The following ADAMTS17 variants were observed in gnomAD, a reference collection of about 807,000 sequenced individuals.
ADAMTS17 encodes the protein ADAM metallopeptidase with thrombospondin type 1 motif 17, also known as A disintegrin and metalloproteinase with thrombospondin motifs 17.
In ADAMTS17, 113 loss-of-function variants were observed where a neutral mutation model predicts 141.5. That is an observed-to-expected ratio of 0.80 (90% CI 0.69 to 0.93). The LOEUF (loss-of-function observed/expected upper bound fraction) is 0.93. Ranked by LOEUF, ADAMTS17 falls within the 40% of genes least tolerant of loss-of-function variation. The pLI, the probability that ADAMTS17 is intolerant of heterozygous loss-of-function variation, is 0.00. For missense variants in ADAMTS17, 1,659 were observed against 1,517.9 expected (o/e 1.09, Z -1.54); for synonymous variants, 768 against 630.6 (o/e 1.22, Z -3.27).
intron 10 of ADAMTS17, among the ~76,000 whole-genome samples, chr15:100,139,659 G>C (rs528860510): frequency 6.6e-6 from 1 of 152,344 alleles, no homozygotes; most frequent in South Asian, 2.1e-4. Context: ...CCAGTAACGA[G>C]ACATAATGAC....
At chr15:100,222,932 G>T (rs1468064824) in intron 7 of ADAMTS17, among the ~76,000 whole-genome samples, 1 of 152,184 alleles carries the variant, frequency 6.6e-6, no homozygotes, top group Non-Finnish European at 1.5e-5. Flanking sequence ...CACTTTGCTG[G>T]CATTCAAATC....
intron 15 of ADAMTS17, among the ~76,000 whole-genome samples, chr15:100,077,461 C>CAAAAAAAAAAAAAAAAAAA (rs61464362): frequency 1.4e-5 from 2 of 139,334 alleles, no homozygotes; most frequent in African/African-American, 5.5e-5. Flanking sequence ...GACTCCCTCT[C>CAAAAAAAAAAAAAAAAAAA]AAAAAAAAAA....
chr15:100,314,062 C>T, intron 3 of ADAMTS17, among the ~76,000 whole-genome samples: 1 of 151,068 alleles, frequency 6.6e-6, no homozygotes, highest in Non-Finnish European at 1.5e-5. Flanking sequence ...ACAAAACCAC[C>T]CCAAATGTCA....
intron 8 of ADAMTS17, among the ~76,000 whole-genome samples, chr15:100,189,811 C>T (rs11247164): frequency 0.15 from 23,309 of 152,150 alleles, 2,116 homozygotes; most frequent in East Asian, 0.31. Context: ...GCAATCCACC[C>T]GAATGCAATC....
intron 15 of ADAMTS17, among the ~76,000 whole-genome samples, chr15:100,076,295 G>A (rs535976883): frequency 2.6e-5 from 4 of 152,082 alleles, no homozygotes; most frequent in East Asian, 1.9e-4. Flanking sequence ...CACCTGCCCC[G>A]GCCTCCCAAA....
intron 19 of ADAMTS17, among the ~76,000 whole-genome samples, chr15:99,996,186 C>T (rs1359494070): frequency 6.6e-6 from 1 of 152,054 alleles, no homozygotes; most frequent in Non-Finnish European, 1.5e-5. Context: ...GCCCAAGTAG[C>T]TGGGATTACA....
intron 14 of ADAMTS17, among the ~76,000 whole-genome samples, chr15:100,099,869 G>A (rs2035990439): frequency 6.6e-6 from 1 of 152,170 alleles, no homozygotes; most frequent in African/African-American, 2.4e-5. Context: ...GTGTGCTGAG[G>A]AGGGCACAGG....
At chr15:100,185,503 C>T (rs1243893373) in intron 8 of ADAMTS17, among the ~76,000 whole-genome samples, 1 of 152,174 alleles carries the variant, frequency 6.6e-6, no homozygotes, top group Non-Finnish European at 1.5e-5. Flanking sequence ...TCTTCAAACT[C>T]CAAAAATCTC....
intron 15 of ADAMTS17, among the ~76,000 whole-genome samples, chr15:100,058,859 G>A (rs934977554): frequency 1.3e-5 from 2 of 152,224 alleles, no homozygotes; most frequent in African/African-American, 4.8e-5. Context: ...ATAGGAAAGC[G>A]AAAGAGGCTG....
At chr15:100,052,466 G>A (rs868648168) in intron 16 of ADAMTS17, among the ~76,000 whole-genome samples, 2 of 152,194 alleles carry the variant, frequency 1.3e-5, no homozygotes, top group African/African-American at 4.8e-5. Flanking sequence ...TGCTTTCTCC[G>A]AGTTTTGTTC....
At chr15:100,276,604 G>A (rs2044105304) in intron 4 of ADAMTS17, among the ~76,000 whole-genome samples, 1 of 151,982 alleles carries the variant, frequency 6.6e-6, no homozygotes, top group Admixed American at 6.5e-5. Flanking sequence ...AATGAAGGTG[G>A]CAACCAACTC....
chr15:100,126,040 G>C (rs1250486016), intron 12 of ADAMTS17: 1 of 152,266 alleles, frequency 6.6e-6, no homozygotes, highest in Non-Finnish European at 1.5e-5. Context: ...GATTTAAGGA[G>C]TGAGACGGGG....
At chr15:100,101,203 G>A (rs1216488241) in intron 14 of ADAMTS17, among the ~76,000 whole-genome samples, 1 of 152,178 alleles carries the variant, frequency 6.6e-6, no homozygotes, top group East Asian at 1.9e-4. Flanking sequence ...TCCTCTAAGA[G>A]AAATGCCATG....
At chr15:100,007,933 C>A (rs1281827861) in intron 18 of ADAMTS17, among the ~76,000 whole-genome samples, 1 of 152,032 alleles carries the variant, frequency 6.6e-6, no homozygotes, top group East Asian at 1.9e-4. Flanking sequence ...GGAGTGCAAG[C>A]ACCTGGGGGG....
chr15:100,152,900 CTG>C, intron 9 of ADAMTS17, 138 bp from the exon 10 acceptor site: 5 of 740,802 alleles, frequency 6.7e-6, no homozygotes, highest in Non-Finnish European at 8.9e-6. Context: ...GACGCAGGCA[CTG>C]GACACACAGA....
chr15:100,092,495 T>C (rs1049564636), intron 15 of ADAMTS17, among the ~76,000 whole-genome samples: 3 of 152,250 alleles, frequency 2.0e-5, no homozygotes, highest in Admixed American at 2.0e-4. Flanking sequence ...GAGATCATTC[T>C]TAACTGAGAA....
intron 12 of ADAMTS17, among the ~76,000 whole-genome samples, chr15:100,120,145 G>T (rs1033919079): frequency 8.5e-5 from 13 of 152,180 alleles, no homozygotes; most frequent in Non-Finnish European, 2.9e-5. Flanking sequence ...GAGCTGAGGA[G>T]GAAGCACCAG....
chr15:100,184,628 G>A (rs2040641132), intron 8 of ADAMTS17, among the ~76,000 whole-genome samples: 1 of 152,114 alleles, frequency 6.6e-6, no homozygotes, highest in South Asian at 2.1e-4. Flanking sequence ...ACACATTTTG[G>A]CAGAACCTCT....
At chr15:100,102,417 CG>C (rs2036162982) in intron 14 of ADAMTS17, among the ~76,000 whole-genome samples, 1 of 82,558 alleles carries the variant, frequency 1.2e-5, no homozygotes, top group Non-Finnish European at 2.2e-5. Flanking sequence ...ATTTGAGGGC[CG>C]ACCGAAGGGG....
Sources: allele counts gnomAD v4.1 joint callset (sites outside exome capture counted in the v4.1 genomes callset), GRCh38; gene constraint gnomAD v4.1.1; transcripts MANE v1.5; gene names NCBI Gene and HGNC (gene_info 2026-07-23, HGNC 2026-07-21).